The following KCNJ6 variants were observed in gnomAD, a reference collection of about 807,000 sequenced individuals.
The protein encoded by KCNJ6 is potassium inwardly rectifying channel subfamily J member 6.
KCNJ6 carries 9 observed loss-of-function variants against 34.2 expected under a neutral mutation model. The ratio of observed to expected loss-of-function variants is 0.26; its 90% CI spans 0.16 to 0.46. KCNJ6 has a LOEUF of 0.46. Among genes scored for constraint, KCNJ6 ranks in the 20% least tolerant of loss-of-function variants. The pLI is 1.00. For synonymous variants in KCNJ6, 196 were observed against 207.1 expected, an observed-to-expected ratio of 0.95 and a Z score of 0.46; for missense variants, 236 against 531.3, an observed-to-expected ratio of 0.44 and a Z score of 5.46.
chr21:37,887,353 A>AAT (rs1056087536), intron 1 of KCNJ6, among the ~76,000 whole-genome samples: 6 of 152,098 alleles, frequency 3.9e-5, no homozygotes, highest in African/African-American at 1.4e-4. Context: ...CTGCAAAACC[A>AAT]AGCCCCTTCC....
At chr21:37,644,013 G>C (rs1055623544) in intron 3 of KCNJ6, among the ~76,000 whole-genome samples, 6 of 152,096 alleles carry the variant, frequency 3.9e-5, no homozygotes, top group African/African-American at 1.4e-4. Context: ...AGAAAATGTG[G>C]TACATATACA....
intron 1 of KCNJ6, among the ~76,000 whole-genome samples, chr21:37,871,079 C>T (rs2055649586): frequency 1.3e-5 from 2 of 152,088 alleles, no homozygotes; most frequent in African/African-American, 4.8e-5. Flanking sequence ...TCATTCCCTC[C>T]TCTTGATGTT....
chr21:37,722,252 A>G (rs990467174), intron 2 of KCNJ6, among the ~76,000 whole-genome samples: 1 of 152,200 alleles, frequency 6.6e-6, no homozygotes, highest in Non-Finnish European at 1.5e-5. Flanking sequence ...GAGGTGAATG[A>G]TCTCTACAAG....
At chr21:37,915,793 G>C (rs1002772248) in intron 1 of KCNJ6, 91 bp downstream of exon 1, 4 of 152,262 alleles carry the variant, frequency 2.6e-5, no homozygotes, top group Non-Finnish European at 5.9e-5. Context: ...GGCGGAGCTG[G>C]GGAAGGGGAC....
At chr21:37,860,268 C>G (rs977808715) in intron 1 of KCNJ6, among the ~76,000 whole-genome samples, 1 of 152,178 alleles carries the variant, frequency 6.6e-6, no homozygotes, top group Non-Finnish European at 1.5e-5. Flanking sequence ...TAATTTTTCT[C>G]CAACTTGAGT....
intron 2 of KCNJ6, among the ~76,000 whole-genome samples, chr21:37,761,775 T>C (rs2055066404): frequency 6.6e-6 from 1 of 151,864 alleles, no homozygotes; most frequent in Non-Finnish European, 1.5e-5. Flanking sequence ...GTGTATGTAG[T>C]GTGTGTGTGG....
intron 1 of KCNJ6, among the ~76,000 whole-genome samples, chr21:37,841,693 T>C (rs932680565): frequency 6.6e-6 from 1 of 152,212 alleles, no homozygotes. Flanking sequence ...TTGAAGCAAC[T>C]TTTTCACTTA....
chr21:37,607,482 A>ATATATATATATAT lies in KCNJ6; in HGVS notation c.*17676_*17677insATATATATATATA. 3.1e-3 allele frequency: 419 copies of ATATATATATATAT among 136,730 alleles called. 4 individuals carry two copies. Among genetic ancestry groups the ATATATATATATAT allele is most frequent in the Admixed American group, 0.016 (217 of 13,430 alleles). 8.5% of individuals were successfully genotyped at this position (136,730 alleles called of 1,614,324 possible). On this transcript the variant is annotated 3_prime_UTR_variant, in exon 4 of 4. Coordinates refer to ENST00000609713, the MANE Select transcript of KCNJ6 (RefSeq NM_002240.5). ...CTTAAAGATATATATATATATATAT[A>ATATATATATATAT]TTTTTTTTTTATTTTAAAAAAATTT...
intron 1 of KCNJ6, among the ~76,000 whole-genome samples, chr21:37,853,846 G>GTGTATATATATATATATATATATACATA (rs71198897): frequency 8.6e-6 from 1 of 115,992 alleles, no homozygotes; most frequent in Non-Finnish European, 1.7e-5. Context: ...ATATATATAT[G>GTGTATATATATATATATATATATACATA]TATATATATA....
chr21:37,689,625 A>T (rs1230770957), intron 3 of KCNJ6, among the ~76,000 whole-genome samples: 3 of 152,062 alleles, frequency 2.0e-5, no homozygotes, highest in African/African-American at 7.2e-5. Flanking sequence ...TCCTCTCTCC[A>T]TTCATTCCTG....
intron 2 of KCNJ6, among the ~76,000 whole-genome samples, chr21:37,764,339 G>A (rs776232464): frequency 6.6e-6 from 1 of 151,844 alleles, no homozygotes; most frequent in South Asian, 2.1e-4. Flanking sequence ...GTAAGAGAGA[G>A]ACTTCAGCTT....
At chr21:37,907,604 G>A (rs764206077) in intron 1 of KCNJ6, among the ~76,000 whole-genome samples, 11 of 152,144 alleles carry the variant, frequency 7.2e-5, no homozygotes, top group African/African-American at 9.7e-5. Flanking sequence ...CCTCTGCCCC[G>A]CTCTGACTAC....
chr21:37,632,577 G>A (rs1308494214), intron 3 of KCNJ6, among the ~76,000 whole-genome samples: 2 of 152,060 alleles, frequency 1.3e-5, no homozygotes, highest in African/African-American at 4.8e-5. Flanking sequence ...GGCAAAAGTT[G>A]TTTTTTGAAA....
chr21:37,764,950 G>T (rs1211322112), intron 2 of KCNJ6, among the ~76,000 whole-genome samples: 1 of 152,192 alleles, frequency 6.6e-6, no homozygotes, highest in Non-Finnish European at 1.5e-5. Context: ...TTCTCAGGGG[G>T]TGAAGCAGTG....
intron 2 of KCNJ6, among the ~76,000 whole-genome samples, chr21:37,787,392 G>A (rs2055197694): frequency 6.6e-6 from 1 of 152,142 alleles, no homozygotes. Context: ...CTTTTGGGAG[G>A]CTGGCCAGGG....
At chr21:37,700,002 T>C (rs1435586746) in intron 3 of KCNJ6, among the ~76,000 whole-genome samples, 1 of 152,180 alleles carries the variant, frequency 6.6e-6, no homozygotes, top group Non-Finnish European at 1.5e-5. Context: ...GAGACATATT[T>C]AGAAAGGCCA....
intron 2 of KCNJ6, among the ~76,000 whole-genome samples, chr21:37,819,799 C>CTTT (rs60678115): frequency 0.57 from 85,191 of 148,220 alleles, 25,393 homozygotes; most frequent in South Asian, 0.75. Flanking sequence ...GTTAAATACA[C>CTTT]TTTTTTTTTT....
chr21:37,807,855 T>C (rs2055301551), intron 2 of KCNJ6, among the ~76,000 whole-genome samples: 3 of 152,176 alleles, frequency 2.0e-5, no homozygotes, highest in Non-Finnish European at 4.4e-5. Flanking sequence ...GAGCCTCCCT[T>C]AGGACTGACA....
intron 2 of KCNJ6, among the ~76,000 whole-genome samples, chr21:37,718,834 T>TAACA (rs1193891082): frequency 6.6e-6 from 1 of 151,832 alleles, no homozygotes; most frequent in Non-Finnish European, 1.5e-5. Flanking sequence ...AAAAATACAA[T>TAACA]AACAATGGGA....
Sources: allele counts gnomAD v4.1 joint callset (sites outside exome capture counted in the v4.1 genomes callset), GRCh38; gene constraint gnomAD v4.1.1; transcripts MANE v1.5; gene names NCBI Gene and HGNC (gene_info 2026-07-23, HGNC 2026-07-21).